The following ACTR3C variants were observed in gnomAD, a reference collection of about 807,000 sequenced individuals.
ACTR3C encodes actin related protein 3C.
ACTR3C carries 18 observed loss-of-function variants against 26.3 expected under a neutral mutation model. The ratio of observed to expected loss-of-function variants is 0.68; its 90% CI spans 0.47 to 1.01. The LOEUF is 1.01. ACTR3C is among the 50% of genes least tolerant of loss of function. ACTR3C has a pLI of 0.00. For missense variants in ACTR3C, 184 were observed against 250.7 expected (o/e 0.73, Z 1.80); for synonymous variants, 55 against 94.5 (o/e 0.58, Z 2.42).
intron 6 of ACTR3C, among the ~76,000 whole-genome samples, chr7:150,279,327 T>C (rs1378060648): frequency 6.6e-6 from 1 of 152,226 alleles, no homozygotes; most frequent in African/African-American, 2.4e-5. Context: ...ATTTATTTAT[T>C]TTATATCTAT....
the ACTR3C span, among the ~76,000 whole-genome samples, chr7:150,071,995 G>T: frequency 1.4e-5 from 2 of 146,510 alleles, 1 homozygote; most frequent in East Asian, 4.0e-4. Flanking sequence ...ATCCAAAGGA[G>T]AGGGGAAAGG....
chr7:150,062,437 G>A, the ACTR3C span, among the ~76,000 whole-genome samples: 1 of 137,724 alleles, frequency 7.3e-6, no homozygotes, highest in African/African-American at 2.9e-5. Context: ...TTGAGAGGAG[G>A]GACTACTTCC....
the ACTR3C span, among the ~76,000 whole-genome samples, chr7:150,040,851 A>T: frequency 6.7e-6 from 1 of 148,174 alleles, no homozygotes; most frequent in East Asian, 2.0e-4. Context: ...GAGGGGGAAG[A>T]GGGGCTGGCT....
chr7:150,084,694 G>A, the ACTR3C span, among the ~76,000 whole-genome samples: 1 of 152,194 alleles, frequency 6.6e-6, no homozygotes, highest in East Asian at 1.9e-4. Context: ...GAGGAACAGG[G>A]CGTGCACACC....
At chr7:149,964,840 C>T in the ACTR3C span, among the ~76,000 whole-genome samples, 1 of 151,830 alleles carries the variant, frequency 6.6e-6, no homozygotes. Flanking sequence ...AAATTGTGAC[C>T]AGGTAGAACA....
At chr7:150,190,934 A>G in the ACTR3C span, among the ~76,000 whole-genome samples, 5 of 152,284 alleles carry the variant, frequency 3.3e-5, no homozygotes, top group South Asian at 6.2e-4. Flanking sequence ...ATCACGCCTC[A>G]GGAGGACTCA....
chr7:149,945,834 T>G, the ACTR3C span, among the ~76,000 whole-genome samples: 31 of 152,258 alleles, frequency 2.0e-4, no homozygotes, highest in East Asian at 5.8e-3. Flanking sequence ...ACAGTGGTAG[T>G]CAGTCCGCTG....
At chr7:150,176,848 G>A in the ACTR3C span, among the ~76,000 whole-genome samples, 36 of 150,164 alleles carry the variant, frequency 2.4e-4, no homozygotes, top group African/African-American at 7.3e-4. Context: ...TATAATTGCC[G>A]GTTTATACTT....
chr7:150,126,791 G>C, the ACTR3C span, among the ~76,000 whole-genome samples: 6 of 152,162 alleles, frequency 3.9e-5, no homozygotes, highest in Non-Finnish European at 7.4e-5. Context: ...TCCCCCTTCT[G>C]AGCACCTTGT....
chr7:150,049,468 T>C, the ACTR3C span, among the ~76,000 whole-genome samples: 1 of 152,216 alleles, frequency 6.6e-6, no homozygotes, highest in Non-Finnish European at 1.5e-5. Context: ...GGTCGTTGGC[T>C]TCATCTCCCA....
intron 1 of ACTR3C, among the ~76,000 whole-genome samples, chr7:150,299,541 A>T (rs59159849): frequency 6.7e-6 from 1 of 148,686 alleles, no homozygotes; most frequent in Non-Finnish European, 1.5e-5. Context: ...ATCCCAGCAC[A>T]TTGGGAGGCA....
the ACTR3C span, among the ~76,000 whole-genome samples, chr7:150,065,668 G>A: frequency 6.6e-6 from 1 of 151,522 alleles, no homozygotes; most frequent in Non-Finnish European, 1.5e-5. Flanking sequence ...GCTCTATCAG[G>A]ATACCATGAC....
the ACTR3C span, among the ~76,000 whole-genome samples, chr7:149,921,300 C>G: frequency 6.6e-6 from 1 of 152,150 alleles, no homozygotes; most frequent in South Asian, 2.1e-4. Flanking sequence ...CATCTTCTTT[C>G]TAATCACCAT....
At chr7:150,068,737 T>G in the ACTR3C span, among the ~76,000 whole-genome samples, 1 of 139,126 alleles carries the variant, frequency 7.2e-6, no homozygotes, top group Non-Finnish European at 1.5e-5. Flanking sequence ...GAGCCGAGAT[T>G]GTGCCACTGC....
intron 6 of ACTR3C, among the ~76,000 whole-genome samples, chr7:150,265,234 G>A (rs2129610400): frequency 6.6e-6 from 1 of 151,974 alleles, no homozygotes; most frequent in East Asian, 1.9e-4. Context: ...TTAGTTTTCA[G>A]ATAAATTTCT....
chr7:150,237,176 C>A, the ACTR3C span, among the ~76,000 whole-genome samples: 1 of 152,154 alleles, frequency 6.6e-6, no homozygotes, highest in Admixed American at 6.5e-5. Context: ...CGGAGAGGGA[C>A]CATATGGACC....
chr7:150,227,674 A>G, the ACTR3C span, among the ~76,000 whole-genome samples: 9 of 146,008 alleles, frequency 6.2e-5, no homozygotes, highest in Non-Finnish European at 1.2e-4. Flanking sequence ...GAAAGGTATA[A>G]GGTTTGTGTC....
At chr7:150,047,584 T>C in the ACTR3C span, 13,236 of 994,718 alleles carry the variant, frequency 0.013, 956 homozygotes, top group African/African-American at 0.18. Flanking sequence ...CCCGCCGCCG[T>C]CCCCCGCCCC....
At chr7:150,141,163 CAT>C in the ACTR3C span, among the ~76,000 whole-genome samples, 1 of 152,258 alleles carries the variant, frequency 6.6e-6, no homozygotes, top group Non-Finnish European at 1.5e-5. Context: ...ATCTCCATAA[CAT>C]AGTGCAAGGT....
Sources: allele counts gnomAD v4.1 joint callset (sites outside exome capture counted in the v4.1 genomes callset), GRCh38; gene constraint gnomAD v4.1.1; transcripts MANE v1.5; gene names NCBI Gene and HGNC (gene_info 2026-07-23, HGNC 2026-07-21).